NDUFS4: variants seen among roughly 807,000 people sequenced by gnomAD.
NDUFS4 encodes NADH:ubiquinone oxidoreductase subunit S4, also known as NADH dehydrogenase [ubiquinone] iron-sulfur protein 4, mitochondrial.
NDUFS4 carries 28 observed loss-of-function variants against 24.3 expected under a neutral mutation model. That is an observed-to-expected ratio of 1.15 (90% CI 0.85 to 1.58). The LOEUF (loss-of-function observed/expected upper bound fraction) is 1.58, where lower values mean the gene tolerates loss of function less well. Ranked by LOEUF, NDUFS4 falls within the 40% of genes most tolerant of loss-of-function variation. NDUFS4 has a pLI of 0.00. For missense variants in NDUFS4, 223 were observed against 207.9 expected, an observed-to-expected ratio of 1.07 and a Z score of -0.45; for synonymous variants, 93 against 69.7, an observed-to-expected ratio of 1.34 and a Z score of -1.67.
At chr5:53,667,692 T>TA (rs202198995) in intron 4 of NDUFS4, among the ~76,000 whole-genome samples, 17 of 147,980 alleles carry the variant, frequency 1.1e-4, no homozygotes, top group Admixed American at 2.0e-4. Flanking sequence ...TTAAGGCATT[T>TA]AAAAAAAAAA....
intron 2 of NDUFS4, among the ~76,000 whole-genome samples, chr5:53,626,726 C>T (rs1751238681): frequency 6.6e-6 from 1 of 151,782 alleles, no homozygotes; most frequent in South Asian, 2.1e-4. Flanking sequence ...TTTGATGGGG[C>T]TGTTGGTTTT....
intron 2 of NDUFS4, among the ~76,000 whole-genome samples, chr5:53,628,571 T>G (rs1342850132): frequency 6.6e-6 from 1 of 152,222 alleles, no homozygotes; most frequent in African/African-American, 2.4e-5. Flanking sequence ...TATTGGTCTA[T>G]TCAGAGATTT....
At chr5:53,654,315 A>G (rs1203865802) in intron 3 of NDUFS4, among the ~76,000 whole-genome samples, 2 of 152,094 alleles carry the variant, frequency 1.3e-5, no homozygotes, top group Non-Finnish European at 2.9e-5. Flanking sequence ...TGTATTTACT[A>G]TTTTTAAGTA....
At chr5:53,671,503 T>C (rs1740241001) in intron 4 of NDUFS4, among the ~76,000 whole-genome samples, 1 of 152,180 alleles carries the variant, frequency 6.6e-6, no homozygotes, top group Non-Finnish European at 1.5e-5. Flanking sequence ...ATCCTAAACA[T>C]CTTAAGCTCA....
intron 2 of NDUFS4, among the ~76,000 whole-genome samples, chr5:53,622,159 C>A (rs1561368808): frequency 6.6e-6 from 1 of 151,978 alleles, no homozygotes. Context: ...TTCCTTTAGC[C>A]TAAAGAGCCT....
chr5:53,606,616 C>T (rs1241388494), intron 2 of NDUFS4, among the ~76,000 whole-genome samples: 2 of 152,182 alleles, frequency 1.3e-5, no homozygotes, highest in South Asian at 2.1e-4. Context: ...CCACCTGCCT[C>T]GGCCTCCCGA....
At chr5:53,651,439 A>G (rs1208272533) in intron 3 of NDUFS4, among the ~76,000 whole-genome samples, 2 of 151,954 alleles carry the variant, frequency 1.3e-5, no homozygotes, top group Non-Finnish European at 2.9e-5. Flanking sequence ...TCCCAGATAA[A>G]TTAATGAGTT....
intron 2 of NDUFS4, among the ~76,000 whole-genome samples, chr5:53,627,022 C>A (rs1579891838): frequency 2.0e-5 from 1 of 50,332 alleles, no homozygotes; most frequent in Non-Finnish European, 5.6e-5. Context: ...TTAGGTCTTA[C>A]ATTTAAGTCT....
At chr5:53,632,082 G>A (rs573831374) in intron 2 of NDUFS4, among the ~76,000 whole-genome samples, 1 of 152,328 alleles carries the variant, frequency 6.6e-6, no homozygotes, top group South Asian at 2.1e-4. Flanking sequence ...AGGTACCTCA[G>A]TTGGAAATGC....
At chr5:53,575,812 G>T (rs1041599979) in intron 1 of NDUFS4, among the ~76,000 whole-genome samples, 21 of 152,084 alleles carry the variant, frequency 1.4e-4, no homozygotes, top group African/African-American at 4.6e-4. Flanking sequence ...AAAGTGCTGG[G>T]ATTACAGGTG....
intron 2 of NDUFS4, among the ~76,000 whole-genome samples, chr5:53,610,782 T>C (rs1412686165): frequency 1.3e-5 from 2 of 152,180 alleles, no homozygotes; most frequent in Non-Finnish European, 2.9e-5. Flanking sequence ...ATTAATCATC[T>C]TGATTGCCAT....
intron 4 of NDUFS4, among the ~76,000 whole-genome samples, chr5:53,673,159 A>T (rs1369914539): frequency 6.6e-6 from 1 of 152,192 alleles, no homozygotes; most frequent in East Asian, 1.9e-4. Flanking sequence ...GGTTAATAAC[A>T]CTTTACCCAT....
intron 2 of NDUFS4, among the ~76,000 whole-genome samples, chr5:53,622,405 T>C (rs1205794545): frequency 6.6e-6 from 1 of 152,124 alleles, no homozygotes; most frequent in Non-Finnish European, 1.5e-5. Flanking sequence ...GAGGGCTGTC[T>C]TCCTAGCTTG....
At chr5:53,614,132 C>T (rs1256553133) in intron 2 of NDUFS4, among the ~76,000 whole-genome samples, 1 of 151,648 alleles carries the variant, frequency 6.6e-6, no homozygotes, top group African/African-American at 2.4e-5. Context: ...TTCTACTCTC[C>T]TTGATGTAAT....
intron 1 of NDUFS4, among the ~76,000 whole-genome samples, chr5:53,583,411 G>A (rs1466755768): frequency 6.6e-6 from 1 of 152,160 alleles, no homozygotes; most frequent in Non-Finnish European, 1.5e-5. Flanking sequence ...GAACTCTAAA[G>A]TTGTTCATGA....
chr5:53,680,358 C>CT (rs1325633274), intron 4 of NDUFS4, among the ~76,000 whole-genome samples: 2 of 151,962 alleles, frequency 1.3e-5, no homozygotes, highest in Non-Finnish European at 2.9e-5. Flanking sequence ...ACCCAAAGGA[C>CT]TATAAATCAT....
chr5:53,627,736 C>A (rs932396729), intron 2 of NDUFS4, among the ~76,000 whole-genome samples: 9 of 152,088 alleles, frequency 5.9e-5, no homozygotes, highest in Admixed American at 1.3e-4. Context: ...GATTTTGTAT[C>A]CTGAGACTTT....
chr5:53,598,687 A>G (rs1750211243), intron 1 of NDUFS4, among the ~76,000 whole-genome samples: 1 of 152,216 alleles, frequency 6.6e-6, no homozygotes, highest in South Asian at 2.1e-4. Flanking sequence ...CACAATAAAA[A>G]AGACAAAAAT....
chr5:53,630,419 T>C lies in NDUFS4; in HGVS notation c.178-15814T>C, dbSNP rs144438566. 4.2e-3 allele frequency among the ~76,000 whole-genome samples: 641 copies of C among 152,340 alleles called. 1 individual carries two copies. The highest frequency in any genetic ancestry group is 7.5e-3 in the Non-Finnish European group (511 of 68,034). Reference sequence around the variant, plus strand: ...TCTCTGTATTTCCTCAACTTGAATGTTGGCCTGCCTTGCTAGGTTGGGGAA... The same window carrying C: ...TCTCTGTATTTCCTCAACTTGAATGCTGGCCTGCCTTGCTAGGTTGGGGAA... On this transcript the variant is annotated intron_variant, in intron 2 of 4. Coordinates refer to ENST00000296684, the MANE Select transcript of NDUFS4 (RefSeq NM_002495.4).
Sources: gnomAD v4.1 joint callset for allele counts (sites outside exome capture counted in the v4.1 genomes callset) on GRCh38, gnomAD v4.1.1 for gene constraint, MANE v1.5 for transcripts, NCBI Gene and HGNC (gene_info 2026-07-23, HGNC 2026-07-21) for gene names.